The following OGFOD2 variants were observed in gnomAD, a reference collection of about 807,000 sequenced individuals.
OGFOD2 encodes 2-oxoglutarate and iron-dependent oxygenase domain-containing protein 2.
OGFOD2 carries 34 observed loss-of-function variants against 31.1 expected under a neutral mutation model. The observed-to-expected ratio is 1.09, with a 90% CI of 0.83 to 1.45. The LOEUF (loss-of-function observed/expected upper bound fraction) is 1.45, where lower values mean the gene tolerates loss of function less well. OGFOD2 is among the 40% of genes most tolerant of loss of function. OGFOD2 has a pLI of 0.00. For synonymous variants in OGFOD2, 240 were observed against 192.3 expected (o/e 1.25, Z -2.05); for missense variants, 537 against 433.9 (o/e 1.24, Z -2.11).
chr12:122,976,386 G>T, intron 2 of OGFOD2: 1 of 1,613,884 alleles, frequency 6.2e-7, no homozygotes, highest in Non-Finnish European at 8.5e-7. Context: ...TCCCTGTGTG[G>T]GCCCAGATGG....
intron 4 of OGFOD2, 162 bp from the exon 5 acceptor site, chr12:122,978,280 G>A (rs933920400): frequency 3.4e-5 from 27 of 804,746 alleles, no homozygotes; most frequent in Non-Finnish European, 4.1e-5. Flanking sequence ...CATGGGAATC[G>A]GCCTCCCCTG....
intron 2 of OGFOD2, chr12:122,976,126 T>C (rs2037420176): frequency 2.2e-5 from 13 of 593,142 alleles, no homozygotes; most frequent in Non-Finnish European, 3.6e-5. Context: ...ACCACTCTCA[T>C]TTTGGATTGA....
chr12:122,978,717 C>G, intron 5 of OGFOD2, 36 bp from the exon 6 acceptor site: 1 of 1,596,414 alleles, frequency 6.3e-7, no homozygotes, highest in Middle Eastern at 2.1e-4. Flanking sequence ...TTGCAGCCCT[C>G]TAGTTTCCTT....
At chr12:122,978,527 G>T in exon 5 of OGFOD2, 1 of 1,613,440 alleles carries the variant, frequency 6.2e-7, no homozygotes, top group Non-Finnish European at 8.5e-7. Flanking sequence ...TCGAGCAATC[G>T]GACATGCCTA....
At chr12:122,976,962 C>T in exon 4 of OGFOD2, 1 of 1,613,148 alleles carries the variant, frequency 6.2e-7, no homozygotes, top group East Asian at 2.2e-5. Flanking sequence ...CGGCTGGAGA[C>T]AGTATCGGGT....
exon 7 of OGFOD2, chr12:122,979,360 C>T: frequency 1.3e-6 from 2 of 1,587,196 alleles, no homozygotes; most frequent in South Asian, 1.1e-5. Context: ...TGCTTGGGCC[C>T]AGTGTGGGGG....
At chr12:122,976,405 C>T (rs763330857) in intron 2 of OGFOD2, 27 of 1,613,706 alleles carry the variant, frequency 1.7e-5, no homozygotes, top group South Asian at 1.6e-4. Context: ...GGTTGAGGTA[C>T]ATCTAGGGGT....
chr12:122,976,479 C>A, intron 2 of OGFOD2, 175 bp from the exon 3 acceptor site: 1 of 1,502,656 alleles, frequency 6.7e-7, no homozygotes, highest in Non-Finnish European at 9.2e-7. Context: ...TCTAGAAGTC[C>A]CTTTCAGCTA....
At chr12:122,976,575 G>T in intron 2 of OGFOD2, 79 bp from the exon 3 acceptor site, 1 of 1,315,324 alleles carries the variant, frequency 7.6e-7, no homozygotes. Flanking sequence ...CTGGCGTTCT[G>T]GGCTTCAGTT....
intron 4 of OGFOD2, chr12:122,977,590 G>A (rs1463237229): frequency 5.7e-6 from 1 of 176,028 alleles, no homozygotes; most frequent in African/African-American, 2.4e-5. Flanking sequence ...CCTCTCTTAA[G>A]GCACTGCGAC....
At chr12:122,975,814 C>T (rs1460449335) in exon 2 of OGFOD2, 2 of 702,944 alleles carry the variant, frequency 2.8e-6, no homozygotes, top group East Asian at 5.4e-5. Flanking sequence ...CTCCCAGATC[C>T]TGCGCAGCCG....
At chr12:122,978,683 T>C in intron 5 of OGFOD2, 70 bp from the exon 6 acceptor site, 1 of 1,585,368 alleles carries the variant, frequency 6.3e-7, no homozygotes, top group Non-Finnish European at 8.6e-7. Context: ...CACAGTGGGA[T>C]CACCGTGGAG....
At chr12:122,975,688 C>T (rs1333294695) in intron 1 of OGFOD2, 123 bp from the exon 2 acceptor site, 1 of 651,274 alleles carries the variant, frequency 1.5e-6, no homozygotes, top group Non-Finnish European at 2.9e-6. Flanking sequence ...GCAGTTCATT[C>T]TCTCCATGAT....
chr12:122,979,302 A>T lies in OGFOD2; in HGVS notation c.1009A>T (p.Thr337Ser), dbSNP rs2037544769. ...CGATGAGGGCTTCGGTGATGGCTTC[A>T]CCCGAGAGGAGCCCGCCACGGTGGA... The change falls in exon 7 of 7, where the codon ACC (threonine) becomes TCC (serine). Residue 337 changes from threonine (T) to serine (S), a missense_variant. Physicochemically the swap from Thr to Ser is moderately conservative, Grantham distance 58. Coordinates refer to ENST00000228922, the Ensembl canonical transcript of OGFOD2. The T allele has an allele frequency of 1.9e-6, 3 of 1,612,150 alleles. No individual in the cohort carries two copies. The Admixed American group carries it at 5.0e-5, about 27-fold the overall frequency.
chr12:122,976,279 C>A, intron 2 of OGFOD2: 1 of 1,208,842 alleles, frequency 8.3e-7, no homozygotes, highest in South Asian at 1.3e-5. Context: ...CTGCCCCACT[C>A]CCTCCTCCTC....
At chr12:122,976,735 C>T (rs1258746298) in exon 3 of OGFOD2, 3 of 1,613,756 alleles carry the variant, frequency 1.9e-6, no homozygotes, top group Non-Finnish European at 2.5e-6. Flanking sequence ...TTCCTACCAC[C>T]CGGCACGGCC....
chr12:122,975,764 A>G lies in OGFOD2; in HGVS notation c.133-47A>G, dbSNP rs190571803. The G allele has an allele frequency of 4.2e-4, 292 of 687,776 alleles. 1 individual carries two copies. Among genetic ancestry groups the G allele is most frequent in the Admixed American group, 1.5e-3 (77 of 49,762 alleles). 42.6% of individuals were successfully genotyped at this position (687,776 alleles called of 1,614,324 possible). A position where few individuals can be genotyped will look rare whatever the true frequency, so the allele number is the denominator to read the frequency against. ...AAACTGAGGCTTAGAGAGTGAAGGG[A>G]TTTCCTCAGGTCATACAGTCATGCT... On this transcript the variant is annotated intron_variant, in intron 1 of 6. Transcript: ENST00000228922.
Position 122,975,821 on chromosome 12 carries a change from GC to G in OGFOD2, c.145del (p.Arg49GlufsTer13). The G allele has an allele frequency of 1.4e-6, 1 of 702,970 alleles. No homozygotes were observed. The allele number at this position is 702,970 out of a possible 1,614,324, so 43.5% of individuals were successfully genotyped here. A position where few individuals can be genotyped will look rare whatever the true frequency, so the allele number is the denominator to read the frequency against. ...TCTTTCTGCTCCCAGATCCTGCGCA[GC>G]CGAGGCTGTGTTAGCGCCAAGGACT... On this transcript the variant is annotated frameshift_variant, in exon 2 of 7. Transcript: ENST00000228922. LOFTEE classifies it high-confidence loss of function.
intron 4 of OGFOD2, chr12:122,977,652 T>C (rs1019328075): frequency 6.4e-6 from 1 of 157,466 alleles, no homozygotes; most frequent in Non-Finnish European, 1.4e-5. Flanking sequence ...CCGCACGTAG[T>C]GTTTGGAAAG....
Sources: allele counts gnomAD v4.1 joint callset, GRCh38; gene constraint gnomAD v4.1.1; transcripts MANE v1.5; gene names NCBI Gene and HGNC (gene_info 2026-07-23, HGNC 2026-07-21).